Variants in NLRP4 observed in about 807,000 individuals in gnomAD.
NLRP4 encodes NACHT, LRR and PYD domains-containing protein 4.
A neutral mutation model predicts 84.7 loss-of-function variants in NLRP4; 44 were observed. The ratio of observed to expected loss-of-function variants is 0.52; its 90% confidence interval spans 0.41 to 0.67. The LOEUF (loss-of-function observed/expected upper bound fraction) is 0.67, where lower values mean the gene tolerates loss of function less well. Among genes scored for constraint, NLRP4 ranks in the 30% least tolerant of loss-of-function variants. The probability of loss-of-function intolerance (pLI) is 0.00; values close to 1 mark genes in which losing one functional copy is unlikely to be tolerated. For missense variants in NLRP4, 1,260 were observed against 1,219.4 expected, an observed-to-expected ratio of 1.03 and a Z score of -0.50; for synonymous variants, 544 against 476.4, an observed-to-expected ratio of 1.14 and a Z score of -1.85.
rs375849618 is a variant in NLRP4, at chr19:55,876,032, C to G, written c.2526-964C>G. ...AGCCTGGACAACAGGAGTGAAACTC[C>G]GTCTCAAATAAAAATAATGTAGGAA... On this transcript the variant is annotated intron_variant, in intron 7 of 9. Coordinates refer to ENST00000301295, the MANE Select transcript of NLRP4 (RefSeq NM_134444.5). Among the ~76,000 whole-genome samples, 7 of 152,112 alleles carry G rather than the reference C, an allele frequency of 4.6e-5. No individual in the cohort carries two copies. The East Asian group carries it at 1.4e-3, about 29-fold the overall frequency.
At chr19:55,848,113 G>A (rs1404250993) in intron 1 of NLRP4, among the ~76,000 whole-genome samples, 1 of 152,088 alleles carries the variant, frequency 6.6e-6, no homozygotes, top group Non-Finnish European at 1.5e-5. Context: ...ACCACTCTCA[G>A]GATTTCCTTG....
At chr19:55,855,576 G>C (rs1459411278) in intron 2 of NLRP4, among the ~76,000 whole-genome samples, 2 of 152,170 alleles carry the variant, frequency 1.3e-5, no homozygotes, top group Non-Finnish European at 2.9e-5. Flanking sequence ...ACTTAAGGTA[G>C]CATTACCTAC....
chr19:55,855,621 C>T (rs1371951926), intron 2 of NLRP4, among the ~76,000 whole-genome samples: 1 of 152,258 alleles, frequency 6.6e-6, no homozygotes, highest in Non-Finnish European at 1.5e-5. Flanking sequence ...TTATATCTTT[C>T]ACCTGCATCC....
At chr19:55,867,571 G>A (rs1007412243) in intron 5 of NLRP4, 138 bp from the exon 6 acceptor site, 2 of 697,748 alleles carry the variant, frequency 2.9e-6, no homozygotes, top group South Asian at 3.6e-5. Flanking sequence ...GGGTTGACAG[G>A]GATCAAGAAC....
At chr19:55,863,466 GGAA>G (rs1984839436) in intron 5 of NLRP4, among the ~76,000 whole-genome samples, 1 of 152,124 alleles carries the variant, frequency 6.6e-6, no homozygotes, top group African/African-American at 2.4e-5. Flanking sequence ...TGGGGGAGCA[GGAA>G]GAAGAGAGAA....
In NLRP4 at chr19:55,858,155, A is replaced by G. The variant is rs768040712; in HGVS notation, c.762A>G (p.Lys254=). Residue 254 remains lysine, a synonymous_variant, in exon 3 of 10, where the codon AAA becomes AAG. Coordinates refer to ENST00000301295, the MANE Select transcript of NLRP4 (RefSeq NM_134444.5). This position sits in a 1 kb window ranked among gnomAD's most constrained non-coding sequence, Gnocchi z 4.2. ...DSDLCGDLME[K]RPVQVLLSSL... is the part of the protein sequence containing the mutation. The stretch of plus-strand genomic sequence containing the variant: ...ATCTGTGTGGTGACTTGATGGAGAA[A>G]CGGCCGGTGCAGGTGCTTCTGAGCA... 7 of 1,614,110 alleles carry G rather than the reference A, an allele frequency of 4.3e-6. No homozygotes were observed. Among genetic ancestry groups the G allele is most frequent in the Non-Finnish European group, 5.9e-6 (7 of 1,180,020 alleles).
chr19:55,869,443 T>A (rs1408278441), intron 6 of NLRP4, among the ~76,000 whole-genome samples: 5 of 151,322 alleles, frequency 3.3e-5, no homozygotes, highest in Admixed American at 2.0e-4. Context: ...AAAATTGAGA[T>A]CCGTGAGAGA....
At chr19:55,851,947 G>A in intron 1 of NLRP4, 69 bp from the exon 2 acceptor site, 1 of 693,986 alleles carries the variant, frequency 1.4e-6, no homozygotes, top group Non-Finnish European at 2.5e-6. Context: ...GTACTAGCAA[G>A]ATACTATATA....
intron 1 of NLRP4, among the ~76,000 whole-genome samples, chr19:55,839,479 T>TAAA (rs56042909): frequency 0.057 from 7,728 of 135,432 alleles, 337 homozygotes; most frequent in East Asian, 0.22. Flanking sequence ...GGGGAAGAGT[T>TAAA]AAAAAAAAAA....
chr19:55,850,607 T>G (rs865984407), intron 1 of NLRP4, among the ~76,000 whole-genome samples: 27 of 73,738 alleles, frequency 3.7e-4, no homozygotes, highest in South Asian at 2.5e-3. Context: ...GCGGTGTAAT[T>G]TACGAGGCTG....
chr19:55,874,799 T>A (rs1985311502), intron 7 of NLRP4, among the ~76,000 whole-genome samples: 1 of 151,472 alleles, frequency 6.6e-6, no homozygotes, highest in African/African-American at 2.5e-5. Context: ...GGTTGTAATA[T>A]AATCCTTACA....
intron 1 of NLRP4, among the ~76,000 whole-genome samples, chr19:55,849,789 CAAAGCTGCG>C (rs1983943190): frequency 6.9e-6 from 1 of 144,912 alleles, no homozygotes; most frequent in African/African-American, 2.8e-5. Context: ...GTGTAATTTC[CAAAGCTGCG>C]GTGTAATTTC....
chr19:55,878,466 T>C (rs1287041020), intron 8 of NLRP4, among the ~76,000 whole-genome samples: 34 of 152,256 alleles, frequency 2.2e-4, no homozygotes, highest in Admixed American at 2.2e-3. Context: ...CTAATCTTGC[T>C]TCCATTGTTA....
rs183798978 is a variant in NLRP4, at chr19:55,855,935, C to T, written c.281-1739C>T. 2.5e-3 allele frequency among the ~76,000 whole-genome samples: 377 copies of T among 152,302 alleles called. 4 individuals are homozygous for T. Among genetic ancestry groups the T allele is most frequent in the Non-Finnish European group, 3.2e-3 (220 of 68,028 alleles). On this transcript the variant is annotated intron_variant, in intron 2 of 9. Transcript: ENST00000301295. The stretch of plus-strand genomic sequence containing the variant: ...TGGCTTTAGAAATACACCACGACAG[C>T]TATGATTCAGAAATCGGGAAGCTCA...
At chr19:55,844,100 A>G (rs1983708210) in intron 1 of NLRP4, among the ~76,000 whole-genome samples, 1 of 152,152 alleles carries the variant, frequency 6.6e-6, no homozygotes, top group East Asian at 1.9e-4. Context: ...TCTGAAGGCT[A>G]ATAAGTCCAA....
At chr19:55,863,936 A>G (rs1220854188) in intron 5 of NLRP4, among the ~76,000 whole-genome samples, 1 of 152,158 alleles carries the variant, frequency 6.6e-6, no homozygotes, top group Admixed American at 6.5e-5. Context: ...TCTCTATACT[A>G]GTCTTTGTTG....
intron 6 of NLRP4, among the ~76,000 whole-genome samples, chr19:55,868,593 C>G (rs1173869734): frequency 6.6e-6 from 1 of 151,028 alleles, no homozygotes; most frequent in African/African-American, 2.4e-5. Context: ...ACCTCTGCCT[C>G]CTGGGTTCAA....
rs1013554899 is a variant in NLRP4, at chr19:55,868,011, G to T, written c.2354+135G>T. The stretch of plus-strand genomic sequence containing the variant: ...AAGCTCACGCTTAAGAATCAGAAAA[G>T]ACTTGAGTTCTAGTTCAGGATTTAT... On this transcript the variant is annotated intron_variant, in intron 6 of 9. Transcript: ENST00000301295. 1.6e-5 allele frequency: 12 copies of T among 762,482 alleles called. No individual in the cohort carries two copies. The Admixed American group carries it at 1.7e-4, about 11-fold the overall frequency. 47.2% of individuals were successfully genotyped at this position (762,482 alleles called of 1,614,324 possible).
intron 1 of NLRP4, among the ~76,000 whole-genome samples, chr19:55,841,990 A>G (rs1442083204): frequency 6.6e-6 from 1 of 152,186 alleles, no homozygotes; most frequent in Non-Finnish European, 1.5e-5. Context: ...TTCTATTCTT[A>G]ATTGTTTTAG....
Sources: gnomAD v4.1 joint callset for allele counts (sites outside exome capture counted in the v4.1 genomes callset) on GRCh38, gnomAD v4.1.1 for gene constraint, Gnocchi (gnomAD v3.1) non-coding constraint, MANE v1.5 for transcripts, NCBI Gene and HGNC (gene_info 2026-07-23, HGNC 2026-07-21) for gene names.